PCCA: variants seen among roughly 807,000 people sequenced by gnomAD.
PCCA encodes the protein propionyl-CoA carboxylase subunit alpha.
A neutral mutation model predicts 101.3 loss-of-function variants in PCCA; 74 were observed. That is an observed-to-expected ratio of 0.73 (90% CI 0.61 to 0.89). PCCA has a LOEUF of 0.89. Among genes scored for constraint, PCCA ranks in the 40% least tolerant of loss-of-function variants. PCCA has a pLI of 0.00. For synonymous variants in PCCA, 294 were observed against 313.6 expected, an observed-to-expected ratio of 0.94 and a Z score of 0.66; for missense variants, 891 against 907.0, an observed-to-expected ratio of 0.98 and a Z score of 0.23.
At chr13:100,378,975 G>A (rs948558426) in intron 19 of PCCA, among the ~76,000 whole-genome samples, 9 of 152,034 alleles carry the variant, frequency 5.9e-5, no homozygotes, top group Non-Finnish European at 1.0e-4. Flanking sequence ...TCCTTTGGAG[G>A]TATCATATTC....
At chr13:100,228,854 C>T (rs1396741603) in intron 7 of PCCA, among the ~76,000 whole-genome samples, 3 of 148,050 alleles carry the variant, frequency 2.0e-5, no homozygotes, top group Admixed American at 6.8e-5. Flanking sequence ...GAGCGGGGAT[C>T]GCTCCATTGC....
At chr13:100,471,794 C>T (rs1191811789) in intron 21 of PCCA, among the ~76,000 whole-genome samples, 2 of 152,188 alleles carry the variant, frequency 1.3e-5, no homozygotes, top group Non-Finnish European at 2.9e-5. Flanking sequence ...GTGAGCTTTC[C>T]GTAAGCCTGG....
chr13:100,432,334 T>A (rs17492220), intron 20 of PCCA, among the ~76,000 whole-genome samples: 1 of 152,064 alleles, frequency 6.6e-6, no homozygotes, highest in African/African-American at 2.4e-5. Flanking sequence ...ATTTTTCGCT[T>A]AATACGATCC....
chr13:100,253,188 A>G (rs1039784507), intron 8 of PCCA, among the ~76,000 whole-genome samples: 12 of 152,182 alleles, frequency 7.9e-5, no homozygotes, highest in Admixed American at 2.0e-4. Context: ...GTGTATATAC[A>G]TAAAGAAATA....
At chr13:100,306,274 A>G (rs2066442392) in intron 14 of PCCA, among the ~76,000 whole-genome samples, 1 of 152,170 alleles carries the variant, frequency 6.6e-6, no homozygotes, top group Non-Finnish European at 1.5e-5. Context: ...CCCCTTTACA[A>G]TGTTGGGCAT....
At chr13:100,269,483 G>T (rs1475335806) in intron 11 of PCCA, among the ~76,000 whole-genome samples, 1 of 152,132 alleles carries the variant, frequency 6.6e-6, no homozygotes, top group East Asian at 1.9e-4. Context: ...GGCTTCTGGA[G>T]TGTGGTTCTT....
At chr13:100,496,919 T>TCCACGAAAC (rs2085318988) in intron 21 of PCCA, among the ~76,000 whole-genome samples, 1 of 152,168 alleles carries the variant, frequency 6.6e-6, no homozygotes, top group Non-Finnish European at 1.5e-5. Flanking sequence ...TCATGGTGTG[T>TCCACGAAAC]TCAGGTCGCT....
At chr13:100,092,743 C>T (rs1325098313) in intron 1 of PCCA, among the ~76,000 whole-genome samples, 2 of 152,122 alleles carry the variant, frequency 1.3e-5, no homozygotes, top group Non-Finnish European at 2.9e-5. Flanking sequence ...TGTTACTTGA[C>T]ATCCATTATT....
intron 3 of PCCA, 50 bp from the exon 4 acceptor site, chr13:100,111,943 C>T (rs750682654): frequency 1.9e-6 from 3 of 1,570,696 alleles, no homozygotes; most frequent in Non-Finnish European, 2.6e-6. Context: ...TTTATTAAAC[C>T]CCTTTAAGTG....
chr13:100,411,999 A>G (rs940657503), intron 19 of PCCA, among the ~76,000 whole-genome samples: 11 of 152,252 alleles, frequency 7.2e-5, no homozygotes, highest in African/African-American at 2.7e-4. Flanking sequence ...CCAAAGAGAC[A>G]TGAAAACTAA....
chr13:100,136,701 C>T (rs1225621447), intron 4 of PCCA, among the ~76,000 whole-genome samples: 1 of 152,086 alleles, frequency 6.6e-6, no homozygotes, highest in African/African-American at 2.4e-5. Context: ...TAGAATTATT[C>T]TTAGAAACCT....
intron 19 of PCCA, among the ~76,000 whole-genome samples, chr13:100,402,544 T>C (rs1349736219): frequency 6.6e-6 from 1 of 152,200 alleles, no homozygotes; most frequent in Non-Finnish European, 1.5e-5. Context: ...ATGAGGGCCA[T>C]GAAGGAATAA....
At chr13:100,182,483 C>T (rs2056892763) in intron 6 of PCCA, among the ~76,000 whole-genome samples, 1 of 152,098 alleles carries the variant, frequency 6.6e-6, no homozygotes, top group Non-Finnish European at 1.5e-5. Context: ...CTGTGAGTTG[C>T]CTTCAGTGAT....
intron 21 of PCCA, among the ~76,000 whole-genome samples, chr13:100,502,973 A>G (rs888608913): frequency 6.6e-6 from 1 of 152,220 alleles, no homozygotes. Context: ...CTAGGGCGTT[A>G]AAGCTGTATT....
At chr13:100,374,785 A>T (rs1278901348) in intron 19 of PCCA, among the ~76,000 whole-genome samples, 1 of 152,168 alleles carries the variant, frequency 6.6e-6, no homozygotes, top group Non-Finnish European at 1.5e-5. Flanking sequence ...ATTGTATATG[A>T]TCCTGTATAT....
chr13:100,370,304 C>T (rs2075495602), intron 19 of PCCA, among the ~76,000 whole-genome samples: 1 of 151,760 alleles, frequency 6.6e-6, no homozygotes, highest in Non-Finnish European at 1.5e-5. Context: ...AGGCTGGTCT[C>T]GAACACCTGA....
chr13:100,435,048 T>C (rs2079827099), intron 20 of PCCA, among the ~76,000 whole-genome samples: 1 of 152,212 alleles, frequency 6.6e-6, no homozygotes, highest in Admixed American at 6.5e-5. Context: ...ACCCCTGTGA[T>C]TCCATGAAAA....
At chr13:100,220,677 C>G (rs2059770449) in intron 7 of PCCA, among the ~76,000 whole-genome samples, 1 of 152,124 alleles carries the variant, frequency 6.6e-6, no homozygotes, top group Non-Finnish European at 1.5e-5. Context: ...TTTCCCTCTC[C>G]TTGCTCCCCA....
intron 13 of PCCA, among the ~76,000 whole-genome samples, chr13:100,302,657 A>G (rs2066153148): frequency 6.6e-6 from 1 of 152,174 alleles, no homozygotes; most frequent in Non-Finnish European, 1.5e-5. Context: ...AAGGCATTCT[A>G]AGAAGTTTTA....
Sources: gnomAD v4.1 joint callset for allele counts (sites outside exome capture counted in the v4.1 genomes callset) on GRCh38, gnomAD v4.1.1 for gene constraint, MANE v1.5 for transcripts, NCBI Gene and HGNC (gene_info 2026-07-23, HGNC 2026-07-21) for gene names.